GSTM2: variants seen among roughly 807,000 people sequenced by gnomAD.
GSTM2 encodes glutathione S-transferase mu 2, also known as GST class-mu 2.
Under a neutral mutation model 33.3 loss-of-function variants are expected in GSTM2, and 33 were observed. The observed-to-expected ratio is 0.99, with a 90% CI of 0.75 to 1.33. The LOEUF (loss-of-function observed/expected upper bound fraction) is 1.33, where lower values mean the gene tolerates loss of function less well. Among genes scored for constraint, GSTM2 ranks in the 40% most tolerant of loss-of-function variants. GSTM2 has a pLI of 0.00. For synonymous variants in GSTM2, 93 were observed against 95.6 expected (o/e 0.97, Z 0.16); for missense variants, 213 against 265.8 (o/e 0.80, Z 1.38).
chr1:109,674,066 G>C lies in GSTM2; in HGVS notation c.568-681G>C, dbSNP rs906666559. On this transcript the variant is annotated intron_variant, in intron 7 of 7. Coordinates refer to ENST00000241337, the MANE Select transcript of GSTM2 (RefSeq NM_000848.4). ...CTTTCTGCTTTAAGGGGAATGATTA[G>C]AGCCTAGTCTCGCCTTTGATTTTCT... Among the ~76,000 whole-genome samples the C allele has an allele frequency of 5.5e-4, 84 of 152,270 alleles. 1 individual carries two copies. The highest frequency in any genetic ancestry group is 1.4e-3 in the Admixed American group (21 of 15,304).
chr1:109,668,590 G>A, intron 2 of GSTM2, 90 bp downstream of exon 2: 3 of 1,410,062 alleles, frequency 2.1e-6, no homozygotes, highest in East Asian at 2.3e-5. Context: ...GACTCTGCAG[G>A]CCTCCCTTGC....
chr1:109,669,042 T>C (rs1647433439), intron 3 of GSTM2, 53 bp downstream of exon 3: 2 of 1,571,648 alleles, frequency 1.3e-6, no homozygotes, highest in East Asian at 4.5e-5. Flanking sequence ...TGTCTCTGAC[T>C]GCATCTCCTC....
At chr1:109,670,952 A>G (rs544114725) in intron 5 of GSTM2, 25 of 238,896 alleles carry the variant, frequency 1.0e-4, no homozygotes, top group Non-Finnish European at 1.4e-4. Flanking sequence ...AGTTCTTTGC[A>G]TCCTTGATTC....
chr1:109,671,132 A>T, intron 5 of GSTM2, 155 bp from the exon 6 acceptor site: 2 of 645,912 alleles, frequency 3.1e-6, no homozygotes, highest in East Asian at 5.3e-5. Context: ...ATAAATGCTG[A>T]TGTATCCAGC....
Position 109,669,659 on chromosome 1 carries a change from T to C in GSTM2, c.360+88T>C. On this transcript the variant is annotated intron_variant, in intron 5 of 7. Transcript: ENST00000241337. ...AGAGTTTGTGTCCAAAATTGATTCC[T>C]TCTGGTGAGTTCTTGGTCTTGCTGA... The C allele has an allele frequency of 1.2e-5, 10 of 810,228 alleles. No individual in the cohort carries two copies. In the South Asian group the frequency reaches 1.6e-4, roughly 13 times the overall value. 50.2% of individuals were successfully genotyped at this position (810,228 alleles called of 1,614,324 possible).
chr1:109,668,801 CT>C, intron 2 of GSTM2, 123 bp from the exon 3 acceptor site: 1 of 1,129,126 alleles, frequency 8.9e-7, no homozygotes, highest in Non-Finnish European at 1.3e-6. Context: ...GGATGTGGGA[CT>C]GAGTGGTCAG....
intron 1 of GSTM2, 119 bp downstream of exon 1, chr1:109,668,270 C>G (rs951784690): frequency 1.5e-6 from 2 of 1,308,992 alleles, no homozygotes; most frequent in African/African-American, 2.9e-5. Context: ...ACAGCGGGGT[C>G]TGTGCTTGCC....
chr1:109,674,784 G>C lies in GSTM2; in HGVS notation c.605G>C (p.Arg202Pro). Residue 202 changes from arginine (R) to proline (P), a missense_variant, in exon 8 of 8, where the codon CGC (arginine) becomes CCC (proline). Coordinates refer to ENST00000241337, the MANE Select transcript of GSTM2 (RefSeq NM_000848.4). ...EKISAYMKSS[R>P]FLPRPVFTKM... ...ATCTCTGCCTACATGAAGTCCAGCC[G>C]CTTCCTCCCAAGACCTGTGTTCACA... The C allele has an allele frequency of 1.2e-6, 2 of 1,614,184 alleles. No individual in the cohort carries two copies. The highest frequency in any genetic ancestry group is 2.2e-5 in the South Asian group (2 of 91,086).
intron 7 of GSTM2, among the ~76,000 whole-genome samples, chr1:109,674,001 C>T (rs899836392): frequency 1.3e-5 from 2 of 152,174 alleles, no homozygotes; most frequent in Non-Finnish European, 2.9e-5. Context: ...GGTTAGGGCA[C>T]AGTGAGATTT....
chr1:109,669,683 G>T lies in GSTM2; in HGVS notation c.360+112G>T. 6 of 696,120 alleles carry T rather than the reference G, an allele frequency of 8.6e-6. No individual in the cohort carries two copies. In the South Asian group the frequency reaches 1.1e-4, roughly 12 times the overall value. The allele number at this position is 696,120 out of a possible 1,614,324, so 43.1% of individuals were successfully genotyped here. A position where few individuals can be genotyped will look rare whatever the true frequency, so the allele number is the denominator to read the frequency against. On this transcript the variant is annotated intron_variant, in intron 5 of 7. Transcript: ENST00000241337. ...CTTCTGGTGAGTTCTTGGTCTTGCT[G>T]ACTCTAAGAATGAAGCCGCGGTCCT...
chr1:109,674,827 C>T lies in GSTM2; in HGVS notation c.648C>T (p.Gly216=). The T allele has an allele frequency of 6.2e-7, 1 of 1,614,200 alleles. No individual in the cohort carries two copies. The highest frequency in any genetic ancestry group is 8.5e-7 in the Non-Finnish European group (1 of 1,180,030). ...TGTTCACAAAGATGGCTGTCTGGGGCAACAAGTAGGGCCTTGAAGGCCAGG... is the reference window on the plus strand; with the variant it reads ...TGTTCACAAAGATGGCTGTCTGGGGTAACAAGTAGGGCCTTGAAGGCCAGG... ...RPVFTKMAVW[G]NK is the part of the protein sequence containing the mutation. Residue 216 remains glycine, a synonymous_variant, in exon 8 of 8, where the codon GGC becomes GGT. Transcript: ENST00000241337.
downstream of GSTM2, among the ~76,000 whole-genome samples, chr1:109,678,983 C>T (rs1390742672): frequency 6.6e-6 from 1 of 152,038 alleles, no homozygotes; most frequent in Non-Finnish European, 1.5e-5. Context: ...TTGAGTAGAT[C>T]CCCAAAGCGC....
At position 109,669,153 on chromosome 1, in the gene GSTM2, T is replaced by C. The variant is rs1419182476; in HGVS notation, c.178-137T>C. ...GCATGATGTTCTGTGTCCCAGCTCATTTATTAGTGTGACAGTATTTCTATC... is the reference window on the plus strand; with the variant it reads ...GCATGATGTTCTGTGTCCCAGCTCACTTATTAGTGTGACAGTATTTCTATC... On this transcript the variant is annotated intron_variant, in intron 3 of 7. Transcript: ENST00000241337. The C allele has an allele frequency of 2.4e-6, 3 of 1,261,642 alleles. No individual in the cohort carries two copies. The Admixed American group carries it at 5.1e-5, about 21-fold the overall frequency. The allele number at this position is 1,261,642 out of a possible 1,614,324, so 78.2% of individuals were successfully genotyped here.
intron 7 of GSTM2, among the ~76,000 whole-genome samples, chr1:109,682,697 G>A (rs1386827659): frequency 7.9e-6 from 1 of 127,262 alleles, no homozygotes; most frequent in African/African-American, 2.5e-5. Context: ...GGTATCACAG[G>A]CATGTTGGAA....
intron 7 of GSTM2, among the ~76,000 whole-genome samples, chr1:109,672,495 C>T (rs946226370): frequency 2.0e-5 from 3 of 152,294 alleles, no homozygotes; most frequent in African/African-American, 4.8e-5. Flanking sequence ...GGAGGCTGTG[C>T]TGGGCTCCCT....
At chr1:109,678,767 A>C (rs1647775672), downstream of GSTM2, among the ~76,000 whole-genome samples, 1 of 151,974 alleles carries the variant, frequency 6.6e-6, no homozygotes, top group Admixed American at 6.6e-5. Flanking sequence ...CTCAAAAAAA[A>C]AAAAAAAACA....
Position 109,674,859 on chromosome 1 carries a change from G to T in GSTM2, c.*23G>T, listed in dbSNP as rs1291463145. ...TAGGGCCTTGAAGGCCAGGAGGTGG[G>T]AGTGAGGAGCCCATACTCAGCCTGC... is the stretch of plus-strand genomic sequence containing the variant. On this transcript the variant is annotated 3_prime_UTR_variant, in exon 8 of 8. Transcript: ENST00000241337. The T allele has an allele frequency of 4.3e-6, 7 of 1,613,870 alleles. No individual in the cohort carries two copies. The highest frequency in any genetic ancestry group is 4.2e-6 in the Non-Finnish European group (5 of 1,179,868).
chr1:109,671,101 C>A, intron 5 of GSTM2, 186 bp from the exon 6 acceptor site: 1 of 600,198 alleles, frequency 1.7e-6, no homozygotes, highest in South Asian at 2.1e-5. Flanking sequence ...AGAAAGACTC[C>A]AGCTACCCAG....
At chr1:109,678,304 T>A (rs984148072), downstream of GSTM2, among the ~76,000 whole-genome samples, 45 of 152,200 alleles carry the variant, frequency 3.0e-4, no homozygotes, top group African/African-American at 1.1e-3. Flanking sequence ...ACCTGGCTAA[T>A]TTTTGTATTT....
Sources: gnomAD v4.1 joint callset for allele counts (sites outside exome capture counted in the v4.1 genomes callset) on GRCh38, gnomAD v4.1.1 for gene constraint, MANE v1.5 for transcripts, NCBI Gene and HGNC (gene_info 2026-07-23, HGNC 2026-07-21) for gene names.